APBB1: variants seen among roughly 807,000 people sequenced by gnomAD.
APBB1 encodes the protein amyloid beta precursor protein binding family B member 1, also known as adaptor protein FE65a2.
Under a neutral mutation model 78.4 loss-of-function variants are expected in APBB1, and 22 were observed. The observed-to-expected ratio is 0.28, with a 90% confidence interval of 0.20 to 0.40. APBB1 has a LOEUF of 0.40. Among genes scored for constraint, APBB1 ranks in the 10% least tolerant of loss-of-function variants. The pLI is 1.00. For missense variants in APBB1, 749 were observed against 932.4 expected (o/e 0.80, Z 2.56); for synonymous variants, 369 against 372.7 (o/e 0.99, Z 0.12).
Position 6,410,715 on chromosome 11 carries a change from G to A in APBB1, c.633C>T (p.Gly211=). The change falls in exon 2 of 15, where the codon GGC becomes GGT. Residue 211 remains glycine (G), a synonymous_variant. Transcript: ENST00000609360. ...CATCACTGGCTGCACTGTTCCGCAT[G>A]CCAAACAGGAGGCTGGCACTCTTGC... ...EHSKSASLLF[G]MRNSAASDED... 1 of 1,553,138 alleles carries A rather than the reference G, an allele frequency of 6.4e-7. No homozygotes were observed. The highest frequency in any genetic ancestry group is 8.7e-7 in the Non-Finnish European group (1 of 1,150,204).
chr11:6,396,554 C>T (rs1306700759), intron 12 of APBB1: 1 of 297,916 alleles, frequency 3.4e-6, no homozygotes, highest in Non-Finnish European at 6.3e-6. Flanking sequence ...TCAGACATCA[C>T]ATTGCTTCAC....
chr11:6,400,207 A>T (rs1848431011), intron 12 of APBB1, among the ~76,000 whole-genome samples: 1 of 152,204 alleles, frequency 6.6e-6, no homozygotes, highest in African/African-American at 2.4e-5. Context: ...TGAATAAACA[A>T]ATAAATAGCA....
rs994932495 is a variant in APBB1, at chr11:6,411,930, G to C, written c.-14-569C>G. The stretch of plus-strand genomic sequence containing the variant: ...ATAAGCTGCAGAACCAGCCCTACAG[G>C]GCATGGCACTGGAAGGCAGGTCACA... On this transcript the variant is annotated intron_variant, in intron 1 of 14. Coordinates refer to ENST00000609360, the MANE Select transcript of APBB1 (RefSeq NM_001164.5). This position sits in a 1 kb window ranked among gnomAD's most constrained non-coding sequence, Gnocchi z 5.2. Among the ~76,000 whole-genome samples the C allele has an allele frequency of 2.0e-5, 3 of 152,200 alleles. No homozygotes were observed. The highest frequency in any genetic ancestry group is 7.2e-5 in the African/African-American group (3 of 41,446).
chr11:6,395,617 G>A lies in APBB1; in HGVS notation c.2050C>T (p.Arg684Cys). The change falls in exon 15 of 15, where the codon CGT becomes TGT. Residue 684 changes from arginine (R) to cysteine (C), a missense_variant. Physicochemically the swap from Arg to Cys is radical, Grantham distance 180 (BLOSUM62 -3). Transcript: ENST00000609360. The surrounding 1 kb of genome is among the most constrained non-coding windows in gnomAD (Gnocchi z 5.2). Reference sequence around the variant, plus strand: ...CCCCTGCGGACAGTCCACCCTACACGCCGTGCCACAGACTCAGCAGGGGGT... The same window carrying A: ...CCCCTGCGGACAGTCCACCCTACACACCGTGCCACAGACTCAGCAGGGGGT... ...PAPPAESVAR[R>C]VGWTVRRGVQ... 5 of 1,593,740 alleles carry A rather than the reference G, an allele frequency of 3.1e-6. No individual in the cohort carries two copies. Among genetic ancestry groups the A allele is most frequent in the South Asian group, 2.2e-5 (2 of 88,924 alleles).
Position 6,403,140 on chromosome 11 carries a change from C to T in APBB1, c.1104+5G>A. ...ACTCAGAATGGGTGTCAGTCTTGAA[C>T]AAACCTTGATCCCTGGGTTGGTATT... is the stretch of plus-strand genomic sequence containing the variant. On this transcript the variant is annotated splice_donor_5th_base_variant and intron_variant, in intron 6 of 14. Transcript: ENST00000609360. The surrounding 1 kb of genome is among the most constrained non-coding windows in gnomAD (Gnocchi z 5.3). The T allele has an allele frequency of 6.2e-7, 1 of 1,609,320 alleles. No individual in the cohort carries two copies.
At position 6,402,189 on chromosome 11, in the gene APBB1, C is replaced by T. The variant is rs145282654; in HGVS notation, c.1275G>A (p.Gln425=). The change falls in exon 8 of 15, where the codon CAG becomes CAA. Residue 425 remains glutamine, a synonymous_variant. Coordinates refer to ENST00000609360, the MANE Select transcript of APBB1 (RefSeq NM_001164.5). ...CTAGCTTTAGTGTCTCATCCTCCAG[C>T]TGCAGTAGCAGATCCTTTCCCTGCA... ...GWGEGKDLLL[Q]LEDETLKLVE... is the part of the protein sequence containing the mutation. The T allele has an allele frequency of 4.8e-4, 782 of 1,613,986 alleles. 1 individual carries two copies. Among genetic ancestry groups the T allele is most frequent in the Non-Finnish European group, 6.4e-4 (759 of 1,180,024 alleles).
chr11:6,400,340 A>G (rs755112894), intron 12 of APBB1, among the ~76,000 whole-genome samples: 10 of 152,202 alleles, frequency 6.6e-5, no homozygotes, highest in Non-Finnish European at 1.3e-4. Context: ...CAGGAGTTCA[A>G]GACCAGCCCT....
At chr11:6,414,260 C>T (rs1431538028) in intron 1 of APBB1, among the ~76,000 whole-genome samples, 1 of 152,166 alleles carries the variant, frequency 6.6e-6, no homozygotes, top group East Asian at 1.9e-4. Context: ...TCTGTCTCCC[C>T]TTGTGAGAAC....
chr11:6,407,886 TCTC>T (rs775918175), intron 2 of APBB1, among the ~76,000 whole-genome samples: 3 of 151,240 alleles, frequency 2.0e-5, no homozygotes, highest in Non-Finnish European at 4.4e-5. Flanking sequence ...TTCACGCCAT[TCTC>T]CTGCCTCAGC....
At position 6,403,618 on chromosome 11, in the gene APBB1, C is replaced by G. The variant is rs150799729; in HGVS notation, c.897+29G>C. ...CAGCACACACTCCCTCCACCCCTGG[C>G]CCAAAATCAACAGGCCTGTGAGCCT... On this transcript the variant is annotated intron_variant, in intron 3 of 14. Coordinates refer to ENST00000609360, the MANE Select transcript of APBB1 (RefSeq NM_001164.5). The surrounding 1 kb of genome is among the most constrained non-coding windows in gnomAD (Gnocchi z 5.3). The G allele has an allele frequency of 7.0e-4, 1,123 of 1,612,614 alleles. 5 individuals are homozygous for G. In the African/African-American group the frequency reaches 0.014, roughly 20 times the overall value.
intron 12 of APBB1, among the ~76,000 whole-genome samples, chr11:6,399,379 T>C (rs963219156): frequency 2.6e-5 from 4 of 152,182 alleles, no homozygotes; most frequent in African/African-American, 7.2e-5. Flanking sequence ...TACGCTCAAA[T>C]TGGCCTCTTC....
In APBB1 at chr11:6,411,118, A is replaced by G; in HGVS notation, c.230T>C (p.Leu77Pro). ...AKWLKEGQNQLRRAATAHRDQ... is the reference protein window; with the variant it reads ...AKWLKEGQNQPRRAATAHRDQ... ...ACGGTGGGCCGTGGCGGCCCGCCGG[A>G]GCTGGTTCTGGCCCTCTTTTAGCCA... is the stretch of plus-strand genomic sequence containing the variant. The change falls in exon 2 of 15, where the codon CTC becomes CCC. Residue 77 changes from leucine (L) to proline (P), a missense_variant. By Grantham distance (98) the Leu-to-Pro change is moderately conservative (BLOSUM62 -3). Around this residue, in one of 3 missense-constraint regions of APBB1, gnomAD observed 635 missense variants for 765.0 expected, o/e 0.83. Transcript: ENST00000609360. The surrounding 1 kb of genome is among the most constrained non-coding windows in gnomAD (Gnocchi z 5.2). The G allele has an allele frequency of 6.2e-7, 1 of 1,612,118 alleles. No homozygotes were observed. The highest frequency in any genetic ancestry group is 1.1e-5 in the South Asian group (1 of 91,078).
chr11:6,399,166 A>C (rs1446563064), intron 12 of APBB1, among the ~76,000 whole-genome samples: 1 of 152,104 alleles, frequency 6.6e-6, no homozygotes, highest in African/African-American at 2.4e-5. Flanking sequence ...TCACTTCAGG[A>C]TGCCCACTTT....
intron 7 of APBB1, 74 bp from the exon 8 acceptor site, chr11:6,402,283 G>C: frequency 6.3e-7 from 1 of 1,577,586 alleles, no homozygotes; most frequent in Non-Finnish European, 8.6e-7. Context: ...CTGCAGCTCA[G>C]GGGATGTTAG....
In APBB1 at chr11:6,410,682, T is replaced by G; in HGVS notation, c.666A>C (p.Ser222=). Residue 222 remains serine (S), a synonymous_variant, in exon 2 of 15, where the codon TCA becomes TCC. Transcript: ENST00000609360. ...TGCCCTGGGATAAGGTAGCCCAGCT[T>G]GAGTCCTCATCACTGGCTGCACTGT... ...MRNSAASDED[S]SWATLSQGSP... The G allele has an allele frequency of 6.6e-7, 1 of 1,524,076 alleles. No individual in the cohort carries two copies. Among genetic ancestry groups the G allele is most frequent in the Non-Finnish European group, 8.8e-7 (1 of 1,136,384 alleles). The allele number at this position is 1,524,076 out of a possible 1,614,324, so 94.4% of individuals were successfully genotyped here.
Position 6,419,022 on chromosome 11 carries a change from G to A in APBB1, c.-52C>T. ...GCCCCGGGCCCAGATGACGGAGGTG[G>A]CTCAGGCTGCGGGGTTCGGGCTCCG... On this transcript the variant is annotated 5_prime_UTR_variant, in exon 1 of 15. Coordinates refer to ENST00000609360, the MANE Select transcript of APBB1 (RefSeq NM_001164.5). The A allele has an allele frequency of 2.5e-6, 1 of 393,530 alleles. No homozygotes were observed. The highest frequency in any genetic ancestry group is 4.5e-6 in the Non-Finnish European group (1 of 222,708). 24.4% of individuals were successfully genotyped at this position (393,530 alleles called of 1,614,324 possible). A position where few individuals can be genotyped will look rare whatever the true frequency, so the allele number is the denominator to read the frequency against.
intron 1 of APBB1, among the ~76,000 whole-genome samples, chr11:6,415,676 A>G (rs1590794340): frequency 6.6e-6 from 1 of 152,268 alleles, no homozygotes; most frequent in East Asian, 1.9e-4. Context: ...TCACAGAGGA[A>G]AGGGAAGCCA....
In APBB1 at chr11:6,411,418, C is replaced by T; in HGVS notation, c.-14-57G>A. On this transcript the variant is annotated intron_variant, in intron 1 of 14. Transcript: ENST00000609360. This position sits in a 1 kb window ranked among gnomAD's most constrained non-coding sequence, Gnocchi z 5.2. Reference sequence around the variant, plus strand: ...CCTCTGGTCCAGAACAGCAGCATCACTGCTTCTGCCCCAGGGCTATGCCCT... The same window carrying T: ...CCTCTGGTCCAGAACAGCAGCATCATTGCTTCTGCCCCAGGGCTATGCCCT... 1 of 1,449,274 alleles carries T rather than the reference C, an allele frequency of 6.9e-7. No homozygotes were observed. The highest frequency in any genetic ancestry group is 1.4e-5 in the African/African-American group (1 of 70,406). The allele number at this position is 1,449,274 out of a possible 1,614,324, so 89.8% of individuals were successfully genotyped here.
intron 2 of APBB1, chr11:6,405,324 C>A: frequency 1.0e-6 from 1 of 987,516 alleles, no homozygotes; most frequent in Non-Finnish European, 1.2e-6. Context: ...GCTTTGAGGT[C>A]CTGAGCCCCA....
Sources: allele counts gnomAD v4.1 joint callset (sites outside exome capture counted in the v4.1 genomes callset), GRCh38; gene constraint gnomAD v4.1.1; regional missense constraint gnomAD v4.1.1; non-coding constraint Gnocchi (gnomAD v3.1); transcripts MANE v1.5; gene names NCBI Gene and HGNC (gene_info 2026-07-23, HGNC 2026-07-21).